The following SBF2 variants were observed in gnomAD, a reference collection of about 807,000 sequenced individuals.
SBF2 encodes the protein SET binding factor 2.
In SBF2, 112 loss-of-function variants were observed where a neutral mutation model predicts 225.2. The observed-to-expected ratio is 0.50, with a 90% CI of 0.43 to 0.58. The LOEUF is 0.58. Ranked by LOEUF, SBF2 falls within the 20% of genes least tolerant of loss-of-function variation. The pLI is 0.00. For missense variants in SBF2, 1,996 were observed against 2,206.2 expected (o/e 0.90, Z 1.91); for synonymous variants, 763 against 773.3 (o/e 0.99, Z 0.22).
At chr11:10,147,591 GA>G (rs564158819) in intron 2 of SBF2, among the ~76,000 whole-genome samples, 206 of 152,134 alleles carry the variant, frequency 1.4e-3, no homozygotes, top group African/African-American at 4.8e-3. Flanking sequence ...AGAAGGGAGA[GA>G]ATCAGGAAAA....
At chr11:9,796,176 ACATAATC>A (rs1853112019) in intron 32 of SBF2, among the ~76,000 whole-genome samples, 1 of 152,058 alleles carries the variant, frequency 6.6e-6, no homozygotes. Flanking sequence ...TTTTAAATAA[ACATAATC>A]TCATTTAATC....
intron 2 of SBF2, among the ~76,000 whole-genome samples, chr11:10,100,032 G>A (rs1590954414): frequency 1.3e-5 from 2 of 152,112 alleles, no homozygotes; most frequent in African/African-American, 4.8e-5. Flanking sequence ...ATGAAACTAA[G>A]TTCTTCAATA....
chr11:9,790,558 C>T lies in SBF2; in HGVS notation c.4696G>A (p.Glu1566Lys), dbSNP rs1174317247. 6.3e-7 allele frequency: 1 copy of T among 1,582,940 alleles called. No individual in the cohort carries two copies. The highest frequency in any genetic ancestry group is 1.3e-5 in the African/African-American group (1 of 74,080). Residue 1566 changes from glutamate to lysine, a missense_variant and splice_region_variant, in exon 34 of 40, where the codon GAG becomes AAG. By Grantham distance (56) the Glu-to-Lys change is moderately conservative (BLOSUM62 1). Transcript: ENST00000256190. ...ACATAAATGATTTCTTACTCTACCT[C>T]TATTTCCAATGGTGAATATAAATAA... The part of the protein sequence containing the change: ...FNYLYSPLEI[E>K]ALKPNVNVSS...
At chr11:10,291,089 T>C (rs1964132039) in intron 1 of SBF2, among the ~76,000 whole-genome samples, 1 of 152,226 alleles carries the variant, frequency 6.6e-6, no homozygotes, top group Admixed American at 6.5e-5. Context: ...CTTGTACAAC[T>C]CTCATTGGCC....
Position 9,779,969 on chromosome 11 carries a change from C to T in SBF2, c.*449G>A, listed in dbSNP as rs1476823554. 1 of 247,090 alleles carries T rather than the reference C, an allele frequency of 4.0e-6. No individual in the cohort carries two copies. Among genetic ancestry groups the T allele is most frequent in the Non-Finnish European group, 8.1e-6 (1 of 124,030 alleles). 15.3% of individuals were successfully genotyped at this position (247,090 alleles called of 1,614,324 possible). On this transcript the variant is annotated 3_prime_UTR_variant, in exon 40 of 40. Transcript: ENST00000256190. ...TCAGGCATTACAAGTAGATGTCTCT[C>T]ATAGGAAACCTAGTCCAGGTAGAAT... is the stretch of plus-strand genomic sequence containing the variant.
chr11:9,950,135 C>G (rs550586923), intron 16 of SBF2, among the ~76,000 whole-genome samples: 1 of 150,060 alleles, frequency 6.7e-6, no homozygotes, highest in African/African-American at 2.4e-5. Flanking sequence ...GAATGCTTCT[C>G]GTAAGCAGGG....
chr11:10,123,182 G>A (rs982033156), intron 2 of SBF2, among the ~76,000 whole-genome samples: 2 of 152,078 alleles, frequency 1.3e-5, no homozygotes, highest in African/African-American at 4.8e-5. Context: ...CTACAAAACC[G>A]AAATGAATCC....
At chr11:10,195,155 G>A (rs1024593691) in intron 1 of SBF2, among the ~76,000 whole-genome samples, 1 of 152,132 alleles carries the variant, frequency 6.6e-6, no homozygotes, top group Non-Finnish European at 1.5e-5. Flanking sequence ...GGGGAATGGG[G>A]ATTGTCCTGT....
intron 2 of SBF2, among the ~76,000 whole-genome samples, chr11:10,109,773 TA>T (rs1323892987): frequency 6.6e-6 from 1 of 152,242 alleles, no homozygotes; most frequent in Non-Finnish European, 1.5e-5. Context: ...TTTAACAGTT[TA>T]ATTGATCTCT....
At chr11:10,005,572 C>G (rs889697454) in intron 6 of SBF2, among the ~76,000 whole-genome samples, 1 of 152,106 alleles carries the variant, frequency 6.6e-6, no homozygotes, top group Non-Finnish European at 1.5e-5. Context: ...TTGCCTTGGT[C>G]TCTCACTCTG....
chr11:10,280,214 C>G (rs1052151565), intron 1 of SBF2, among the ~76,000 whole-genome samples: 1 of 150,402 alleles, frequency 6.6e-6, no homozygotes, highest in Admixed American at 6.7e-5. Context: ...ACCTGTATCT[C>G]CAAGATTAAC....
chr11:9,882,808 A>G (rs1447808596), intron 17 of SBF2, among the ~76,000 whole-genome samples: 1 of 83,670 alleles, frequency 1.2e-5, no homozygotes, highest in Admixed American at 9.9e-5. Context: ...AAAAAAAAAA[A>G]AAAAAAAAAA....
chr11:9,800,122 G>C (rs1336963005), intron 32 of SBF2, among the ~76,000 whole-genome samples: 1 of 151,950 alleles, frequency 6.6e-6, no homozygotes, highest in Non-Finnish European at 1.5e-5. Flanking sequence ...CTTGTAATCT[G>C]AGCTATTAGG....
chr11:10,176,958 C>A (rs902358919), intron 2 of SBF2, among the ~76,000 whole-genome samples: 1 of 152,084 alleles, frequency 6.6e-6, no homozygotes, highest in African/African-American at 2.4e-5. Flanking sequence ...TACTGGCAAA[C>A]CGAATCCAGC....
At chr11:10,070,537 C>A (rs1950823131) in intron 2 of SBF2, among the ~76,000 whole-genome samples, 1 of 152,148 alleles carries the variant, frequency 6.6e-6, no homozygotes, top group Non-Finnish European at 1.5e-5. Context: ...TTGGTACCAG[C>A]ACCATGCTGT....
At chr11:9,838,292 C>A (rs568408863) in intron 26 of SBF2, 1 of 151,686 alleles carries the variant, frequency 6.6e-6, no homozygotes, top group Non-Finnish European at 1.5e-5. Flanking sequence ...ATCATAAATG[C>A]TTTATAACCA....
intron 1 of SBF2, among the ~76,000 whole-genome samples, chr11:10,301,236 C>T (rs1042431226): frequency 1.2e-4 from 19 of 152,158 alleles, no homozygotes; most frequent in African/African-American, 4.3e-4. Flanking sequence ...GGGTTTTAAA[C>T]TTGGTCAACC....
chr11:10,257,360 C>A (rs748491030), intron 1 of SBF2, among the ~76,000 whole-genome samples: 47 of 152,224 alleles, frequency 3.1e-4, no homozygotes, highest in Non-Finnish European at 2.8e-4. Context: ...GTTCTATGAC[C>A]AAATAGGCAT....
rs528059514 is a variant in SBF2 at position 10,224,794 on chromosome 11, T to C, written c.56-30807A>G. Among the ~76,000 whole-genome samples the C allele has an allele frequency of 2.3e-4, 35 of 152,320 alleles. No individual in the cohort carries two copies. The South Asian group carries it at 2.5e-3, about 11-fold the overall frequency. ...ACACTATATTTTCCCTTTATAGTACTTGTCACAAATTGCTTAATTATGGTG... is the reference window on the plus strand; with the variant it reads ...ACACTATATTTTCCCTTTATAGTACCTGTCACAAATTGCTTAATTATGGTG... On this transcript the variant is annotated intron_variant, in intron 1 of 39. Transcript: ENST00000256190.
Sources: allele counts gnomAD v4.1 joint callset (sites outside exome capture counted in the v4.1 genomes callset), GRCh38; gene constraint gnomAD v4.1.1; transcripts MANE v1.5; gene names NCBI Gene and HGNC (gene_info 2026-07-23, HGNC 2026-07-21).